Variants in MGRN1 observed in about 807,000 individuals in gnomAD.
The protein encoded by MGRN1 is mahogunin ring finger 1, also known as E3 ubiquitin-protein ligase MGRN1.
In MGRN1, 29 loss-of-function variants were observed where a neutral mutation model predicts 69.2. The ratio of observed to expected loss-of-function variants is 0.42; its 90% confidence interval spans 0.31 to 0.57. The LOEUF (loss-of-function observed/expected upper bound fraction) is 0.57, where lower values mean the gene tolerates loss of function less well. MGRN1 is among the 20% of genes least tolerant of loss of function. MGRN1 has a pLI of 0.15. For missense variants in MGRN1, 998 were observed against 796.2 expected (o/e 1.25, Z -3.05); for synonymous variants, 470 against 344.2 (o/e 1.37, Z -4.04).
chr16:4,680,360 C>G (rs1245285340), intron 12 of MGRN1: 1 of 464,400 alleles, frequency 2.2e-6, no homozygotes, highest in African/African-American at 2.0e-5. Flanking sequence ...CGTGCCGTTT[C>G]CCTTTTTTTT....
At position 4,663,391 on chromosome 16, in the gene MGRN1, T is replaced by TC. The variant is rs150893432; in HGVS notation, c.562-1318_562-1317insC. 1.1e-4 allele frequency among the ~76,000 whole-genome samples: 13 copies of TC among 123,242 alleles called. 3 individuals are homozygous for TC. Among genetic ancestry groups the TC allele is most frequent in the South Asian group, 2.7e-4 (1 of 3,682 alleles). 80.9% of individuals were successfully genotyped at this position (123,242 alleles called of 152,430 possible). Reference sequence around the variant, plus strand: ...TTTTTTTTTTTTTTTTTTTTTTTTTTACACCTTTATTGTGTTATAATTACC... The same window carrying TC: ...TTTTTTTTTTTTTTTTTTTTTTTTTTCACACCTTTATTGTGTTATAATTACC... On this transcript the variant is annotated intron_variant, in intron 5 of 16. Coordinates refer to ENST00000262370, the MANE Select transcript of MGRN1 (RefSeq NM_015246.4).
chr16:4,686,310 G>C, intron 16 of MGRN1: 1 of 1,544,716 alleles, frequency 6.5e-7, no homozygotes, highest in Non-Finnish European at 8.7e-7. Context: ...GCCGGTACGT[G>C]ACCTCCCAGA....
chr16:4,633,745 T>G (rs1898131723), intron 1 of MGRN1: 1 of 151,298 alleles, frequency 6.6e-6, no homozygotes, highest in African/African-American at 2.4e-5. Context: ...TGAGACGGAG[T>G]CTCACTCTTT....
intron 1 of MGRN1, among the ~76,000 whole-genome samples, chr16:4,635,801 ATTTTTTT>A (rs34343082): frequency 1.2e-4 from 15 of 125,696 alleles, no homozygotes; most frequent in African/African-American, 2.9e-4. Flanking sequence ...CGCCCAGCTA[ATTTTTTT>A]TTTTTTTTTT....
chr16:4,656,614 C>G (rs2078544187), intron 4 of MGRN1, among the ~76,000 whole-genome samples: 2 of 152,212 alleles, frequency 1.3e-5, no homozygotes, highest in African/African-American at 4.8e-5. Flanking sequence ...GGTGCAGTGA[C>G]TCAGGCCTGT....
At chr16:4,639,334 C>T (rs2078106387) in intron 1 of MGRN1, among the ~76,000 whole-genome samples, 1 of 152,122 alleles carries the variant, frequency 6.6e-6, no homozygotes. Flanking sequence ...TCCAGGCTGG[C>T]CTCACCGCGG....
rs191451398 is a variant in MGRN1 at position 4,689,842 on chromosome 16, T to A, written c.*934T>A. The A allele has an allele frequency of 6.6e-6, 1 of 151,572 alleles. No individual in the cohort carries two copies. Among genetic ancestry groups the A allele is most frequent in the Non-Finnish European group, 1.5e-5 (1 of 67,970 alleles). The allele number at this position is 151,572 out of a possible 1,614,324, so 9.4% of individuals were successfully genotyped here. ...GTGCAGTGGCTCAATCTCGGGTCAC[T>A]GCAACCTCCGCCTCCCGGGTTCAAG... is the stretch of plus-strand genomic sequence containing the variant. On this transcript the variant is annotated 3_prime_UTR_variant, in exon 17 of 17. Transcript: ENST00000262370.
intron 1 of MGRN1, among the ~76,000 whole-genome samples, chr16:4,629,398 A>G (rs1022622352): frequency 7.9e-5 from 12 of 152,058 alleles, no homozygotes; most frequent in Non-Finnish European, 1.5e-4. Flanking sequence ...ATTTTGACGA[A>G]GTCTCATTTA....
chr16:4,660,921 C>G (rs1241443881), intron 5 of MGRN1, among the ~76,000 whole-genome samples: 1 of 152,200 alleles, frequency 6.6e-6, no homozygotes, highest in Non-Finnish European at 1.5e-5. Context: ...CGGCTGGGAG[C>G]TGGAGGCCTA....
chr16:4,645,607 G>A (rs1371295129), intron 1 of MGRN1, among the ~76,000 whole-genome samples: 3 of 152,226 alleles, frequency 2.0e-5, no homozygotes, highest in African/African-American at 7.2e-5. Context: ...AAGCTGGGGT[G>A]TGGGAGGCTT....
Position 4,689,201 on chromosome 16 carries a change from G to T in MGRN1, c.*293G>T. The T allele has an allele frequency of 2.7e-6, 1 of 363,850 alleles. No homozygotes were observed. Among genetic ancestry groups the T allele is most frequent in the Non-Finnish European group, 4.9e-6 (1 of 202,920 alleles). The allele number at this position is 363,850 out of a possible 1,614,324, so 22.5% of individuals were successfully genotyped here. On this transcript the variant is annotated 3_prime_UTR_variant, in exon 17 of 17. Coordinates refer to ENST00000262370, the MANE Select transcript of MGRN1 (RefSeq NM_015246.4). ...TGTGGGCTGAGCGGCTGGGGCTGGG[G>T]CTGCCCACGTGTGGCCTCCGCTGGC...
rs2079246583 is a variant in MGRN1 at position 4,683,880 on chromosome 16, C to T, written c.1566C>T (p.Asp522=). ...CTTCCATTGAGAATGTCCTGCAGGA[C>T]AGCAGCCCCGAGCACTGTGGCCGAG... The part of the protein sequence containing the change: ...RAASIENVLQ[D]SSPEHCGRGP... The change falls in exon 16 of 17, where the codon GAC becomes GAT. Residue 522 remains aspartate, a synonymous_variant. Coordinates refer to ENST00000262370, the MANE Select transcript of MGRN1 (RefSeq NM_015246.4). The T allele has an allele frequency of 6.2e-7, 1 of 1,612,960 alleles. No homozygotes were observed. The highest frequency in any genetic ancestry group is 8.5e-7 in the Non-Finnish European group (1 of 1,179,806).
chr16:4,652,712 G>A lies in MGRN1; in HGVS notation c.331G>A (p.Gly111Ser), dbSNP rs745861566. 1.4e-5 allele frequency: 22 copies of A among 1,613,062 alleles called. No homozygotes were observed. The highest frequency in any genetic ancestry group is 4.4e-5 in the South Asian group (4 of 90,940). ...KDDADSPTED[G>S]DKPRVLYSLE... ...CGATGCCGACAGCCCCACCGAGGAC[G>A]GCGACAAGCCCCGGGTGCTCTACAG... The change falls in exon 4 of 17, where the codon GGC becomes AGC. Residue 111 changes from glycine (G) to serine (S), a missense_variant. Coordinates refer to ENST00000262370, the MANE Select transcript of MGRN1 (RefSeq NM_015246.4).
At chr16:4,680,154 A>G (rs1011467337) in intron 12 of MGRN1, 57 bp downstream of exon 12, 1 of 1,539,568 alleles carries the variant, frequency 6.5e-7, no homozygotes, top group Admixed American at 1.7e-5. Context: ...TTTTAAACCC[A>G]CGACAAGTAG....
At chr16:4,657,908 A>T (rs1217536904) in intron 5 of MGRN1, among the ~76,000 whole-genome samples, 1 of 151,430 alleles carries the variant, frequency 6.6e-6, no homozygotes, top group African/African-American at 2.4e-5. Flanking sequence ...ACGCCCGGCT[A>T]ATTTTTTGTA....
chr16:4,679,679 A>G (rs367854089), intron 11 of MGRN1, among the ~76,000 whole-genome samples: 34 of 151,970 alleles, frequency 2.2e-4, no homozygotes, highest in African/African-American at 7.7e-4. Context: ...CAGGATCTCC[A>G]CCCTGCACCC....
At chr16:4,625,154 C>T (rs2141803261) in intron 1 of MGRN1, 106 bp downstream of exon 1, 2 of 1,101,922 alleles carry the variant, frequency 1.8e-6, no homozygotes, top group East Asian at 3.4e-5. Context: ...CGGCCCCCTC[C>T]GGGCCTCGTT....
chr16:4,687,376 C>G (rs888811038), intron 16 of MGRN1: 3 of 928,988 alleles, frequency 3.2e-6, no homozygotes, highest in Middle Eastern at 5.4e-4. Flanking sequence ...TAGACCCCCT[C>G]TCTATGAAAA....
At chr16:4,634,793 G>GTT (rs1898194847) in intron 1 of MGRN1, 1 of 152,266 alleles carries the variant, frequency 6.6e-6, no homozygotes, top group Admixed American at 6.6e-5. Context: ...AAGAAACACC[G>GTT]TTTGCTCAGT....
Sources: gnomAD v4.1 joint callset for allele counts (sites outside exome capture counted in the v4.1 genomes callset) on GRCh38, gnomAD v4.1.1 for gene constraint, MANE v1.5 for transcripts, NCBI Gene and HGNC (gene_info 2026-07-23, HGNC 2026-07-21) for gene names.